The following RHBDL3 variants were observed in gnomAD, a reference collection of about 807,000 sequenced individuals.
The protein encoded by RHBDL3 is rhomboid like 3.
A neutral mutation model predicts 48.2 loss-of-function variants in RHBDL3; 28 were observed. The ratio of observed to expected loss-of-function variants is 0.58; its 90% CI spans 0.43 to 0.80. The LOEUF (loss-of-function observed/expected upper bound fraction) is 0.80. Ranked by LOEUF, RHBDL3 falls within the 30% of genes least tolerant of loss-of-function variation. The pLI is 0.00. For missense variants in RHBDL3, 464 were observed against 542.7 expected, an observed-to-expected ratio of 0.85 and a Z score of 1.44; for synonymous variants, 208 against 232.3, an observed-to-expected ratio of 0.90 and a Z score of 0.95.
At chr17:32,277,006 CGT>C (rs1213830483) in intron 2 of RHBDL3, among the ~76,000 whole-genome samples, 1 of 152,214 alleles carries the variant, frequency 6.6e-6, no homozygotes, top group Non-Finnish European at 1.5e-5. Flanking sequence ...CCCTAGCACA[CGT>C]GCCTGTGCTC....
chr17:32,281,850 A>G (rs1199892622), intron 2 of RHBDL3, among the ~76,000 whole-genome samples: 1 of 152,132 alleles, frequency 6.6e-6, no homozygotes, highest in Non-Finnish European at 1.5e-5. Context: ...TGGTCCTTAA[A>G]TTTTGTTCCT....
intron 7 of RHBDL3, among the ~76,000 whole-genome samples, chr17:32,311,868 A>C (rs2040854223): frequency 6.6e-6 from 1 of 152,100 alleles, no homozygotes; most frequent in African/African-American, 2.4e-5. Context: ...TCTCACAACC[A>C]CCTGATGAGG....
In RHBDL3 at chr17:32,322,740, C is replaced by G. The variant is rs2041166897; in HGVS notation, c.*1511C>G. The stretch of plus-strand genomic sequence containing the variant: ...CCACCCCATTACACAGGTGAGAAAA[C>G]AAGATGGAGGGAATGACCCTCCTAA... On this transcript the variant is annotated 3_prime_UTR_variant, in exon 9 of 9. Coordinates refer to ENST00000269051, the MANE Select transcript of RHBDL3 (RefSeq NM_138328.3). The G allele has an allele frequency of 6.6e-6, 1 of 152,264 alleles. No homozygotes were observed. The allele number at this position is 152,264 out of a possible 1,614,324, so 9.4% of individuals were successfully genotyped here.
In RHBDL3 at chr17:32,305,564, C is replaced by T. The variant is rs1022205798; in HGVS notation, c.882+123C>T. ...GGCAGACCTGACCTGGAGCAGAGTT[C>T]TCACACACTCCTCACCCTCTGCAGG... On this transcript the variant is annotated intron_variant, in intron 7 of 8. Coordinates refer to ENST00000269051, the MANE Select transcript of RHBDL3 (RefSeq NM_138328.3). The T allele has an allele frequency of 5.6e-6, 4 of 709,518 alleles. No individual in the cohort carries two copies. The South Asian group carries it at 6.2e-5, about 11-fold the overall frequency. The allele number at this position is 709,518 out of a possible 1,614,324, so 44.0% of individuals were successfully genotyped here.
chr17:32,301,363 T>G (rs1333641915), intron 6 of RHBDL3, among the ~76,000 whole-genome samples: 1 of 148,630 alleles, frequency 6.7e-6, no homozygotes, highest in Non-Finnish European at 1.5e-5. Context: ...TGGCCAGAAG[T>G]CAAGACCAGC....
At chr17:32,318,184 C>CCACA (rs752590777) in intron 8 of RHBDL3, among the ~76,000 whole-genome samples, 1 of 150,752 alleles carries the variant, frequency 6.6e-6, no homozygotes, top group Admixed American at 6.6e-5. Context: ...GACCCTGTCT[C>CCACA]CACACACACA....
At chr17:32,310,966 C>T (rs1035051991) in intron 7 of RHBDL3, among the ~76,000 whole-genome samples, 37 of 150,606 alleles carry the variant, frequency 2.5e-4, no homozygotes, top group South Asian at 1.0e-3. Flanking sequence ...AATTTATCTG[C>T]GTCATACTTT....
intron 2 of RHBDL3, among the ~76,000 whole-genome samples, chr17:32,283,356 G>C (rs2880904): frequency 0.51 from 68,610 of 133,380 alleles, 19,708 homozygotes; most frequent in African/African-American, 0.82. Flanking sequence ...GAGTCTCGCT[G>C]TGTTGCCCAG....
At chr17:32,273,665 A>G (rs1409285725) in intron 2 of RHBDL3, among the ~76,000 whole-genome samples, 1 of 152,230 alleles carries the variant, frequency 6.6e-6, no homozygotes, top group Non-Finnish European at 1.5e-5. Context: ...AGCACCTCAT[A>G]AATACTGTTG....
intron 2 of RHBDL3, among the ~76,000 whole-genome samples, chr17:32,283,547 T>C (rs1353581208): frequency 6.6e-6 from 1 of 151,948 alleles, no homozygotes; most frequent in Non-Finnish European, 1.5e-5. Context: ...ATGGTCTCCA[T>C]CTCCTGACCT....
chr17:32,267,436 G>C (rs969032854), intron 1 of RHBDL3, among the ~76,000 whole-genome samples: 1 of 143,878 alleles, frequency 7.0e-6, no homozygotes, highest in East Asian at 1.9e-4. Context: ...CTCCTGGGGG[G>C]GGAGGGGGGG....
intron 6 of RHBDL3, among the ~76,000 whole-genome samples, chr17:32,302,297 C>T (rs765818898): frequency 1.6e-4 from 25 of 152,182 alleles, no homozygotes; most frequent in Non-Finnish European, 2.8e-4. Flanking sequence ...TCTTTGGTCT[C>T]TCCCAGTTGC....
chr17:32,314,853 G>A (rs2040933083), intron 7 of RHBDL3, among the ~76,000 whole-genome samples: 1 of 152,164 alleles, frequency 6.6e-6, no homozygotes, highest in African/African-American at 2.4e-5. Context: ...GCTCCTCTGT[G>A]GGCAGACACC....
chr17:32,286,003 A>T (rs2040190397), intron 3 of RHBDL3, among the ~76,000 whole-genome samples: 1 of 152,164 alleles, frequency 6.6e-6, no homozygotes, highest in Non-Finnish European at 1.5e-5. Flanking sequence ...ACTGCTGTTC[A>T]GAGTGGACCC....
rs940121432 is a variant in RHBDL3, at chr17:32,296,352, T to TTTG, written c.669-1739_669-1738insTGT. Among the ~76,000 whole-genome samples the TTTG allele has an allele frequency of 7.7e-3, 1,105 of 144,010 alleles. 23 individuals are homozygous for TTTG. The highest frequency in any genetic ancestry group is 0.028 in the African/African-American group (1,058 of 38,026). The allele number at this position is 144,010 out of a possible 152,430, so 94.5% of individuals were successfully genotyped here. ...GTCTCTTTTTTTTTTTTTTTTTTTT[T>TTTG]TGAGATGGAGTCTCGTTGTGTCACC... On this transcript the variant is annotated intron_variant, in intron 5 of 8. Transcript: ENST00000269051.
intron 1 of RHBDL3, among the ~76,000 whole-genome samples, chr17:32,266,686 G>C (rs763746285): frequency 4.6e-5 from 7 of 152,206 alleles, no homozygotes; most frequent in Non-Finnish European, 8.8e-5. Context: ...GCTGGGGAAG[G>C]AGCGGACGCC....
chr17:32,298,654 G>A (rs2040511138), intron 6 of RHBDL3, among the ~76,000 whole-genome samples: 2 of 152,240 alleles, frequency 1.3e-5, no homozygotes. Context: ...TCCCCACAGG[G>A]GAATCAAAGG....
In RHBDL3 at chr17:32,321,270, C is replaced by T; in HGVS notation, c.*41C>T. 4.3e-6 allele frequency: 7 copies of T among 1,613,276 alleles called. No homozygotes were observed. The highest frequency in any genetic ancestry group is 5.9e-6 in the Non-Finnish European group (7 of 1,179,878). ...GGTCGGGGAGGGGAGGGAAAAGCAG[C>T]ACCCACAGGGAGCGCCTGCGAGGTT... On this transcript the variant is annotated 3_prime_UTR_variant, in exon 9 of 9. Coordinates refer to ENST00000269051, the MANE Select transcript of RHBDL3 (RefSeq NM_138328.3).
chr17:32,284,877 A>G, intron 3 of RHBDL3, 60 bp downstream of exon 3: 1 of 1,434,084 alleles, frequency 7.0e-7, no homozygotes, highest in South Asian at 1.2e-5. Flanking sequence ...TGGCTTCCAC[A>G]CATTTAAAGG....
Sources: gnomAD v4.1 joint callset for allele counts (sites outside exome capture counted in the v4.1 genomes callset) on GRCh38, gnomAD v4.1.1 for gene constraint, MANE v1.5 for transcripts, NCBI Gene and HGNC (gene_info 2026-07-23, HGNC 2026-07-21) for gene names.